Variants in RASGRP3 observed in about 807,000 individuals in gnomAD.
RASGRP3 encodes ras guanyl-releasing protein 3.
A neutral mutation model predicts 82.7 loss-of-function variants in RASGRP3; 54 were observed. That is an observed-to-expected ratio of 0.65 (90% CI 0.52 to 0.82). The LOEUF (loss-of-function observed/expected upper bound fraction) is 0.82, where lower values mean the gene tolerates loss of function less well. Ranked by LOEUF, RASGRP3 falls within the 40% of genes least tolerant of loss-of-function variation. The pLI, the probability that RASGRP3 is intolerant of heterozygous loss-of-function variation, is 0.00. For missense variants in RASGRP3, 861 were observed against 828.9 expected (o/e 1.04, Z -0.48); for synonymous variants, 309 against 300.5 (o/e 1.03, Z -0.29).
At chr2:33,464,478 TAAAA>T (rs869137733) in intron 2 of RASGRP3, among the ~76,000 whole-genome samples, 2 of 134,054 alleles carry the variant, frequency 1.5e-5, no homozygotes, top group African/African-American at 5.6e-5. Flanking sequence ...GATCTTTTTT[TAAAA>T]AAAAAAAAAA....
At chr2:33,539,673 T>C (rs1391706591) in intron 12 of RASGRP3, 1 of 152,818 alleles carries the variant, frequency 6.5e-6, no homozygotes. Flanking sequence ...AATCACCTAA[T>C]GTAGGACAAG....
chr2:33,447,268 A>G (rs1377375984), intron 1 of RASGRP3, among the ~76,000 whole-genome samples: 1 of 152,136 alleles, frequency 6.6e-6, no homozygotes, highest in African/African-American at 2.4e-5. Flanking sequence ...TATGTAGCCC[A>G]AGGAACAGGA....
At chr2:33,496,742 A>G (rs1669353169) in intron 1 of RASGRP3, among the ~76,000 whole-genome samples, 1 of 152,208 alleles carries the variant, frequency 6.6e-6, no homozygotes, top group Admixed American at 6.5e-5. Flanking sequence ...CTGTAGTCCC[A>G]ACTACTCAGA....
At chr2:33,540,639 C>T (rs1408663356) in intron 12 of RASGRP3, among the ~76,000 whole-genome samples, 1 of 139,134 alleles carries the variant, frequency 7.2e-6, no homozygotes, top group African/African-American at 2.5e-5. Flanking sequence ...CTCTCTCTCT[C>T]TGTCTCATTC....
intron 1 of RASGRP3, among the ~76,000 whole-genome samples, chr2:33,488,179 C>G (rs1558434863): frequency 6.6e-6 from 1 of 152,178 alleles, no homozygotes; most frequent in East Asian, 1.9e-4. Context: ...CAGCCACATC[C>G]TACTACAAAA....
In RASGRP3 at chr2:33,523,387, C is replaced by T. The variant is rs554674932; in HGVS notation, c.517-492C>T. The stretch of plus-strand genomic sequence containing the variant: ...GGCTGAGGCAGGAGAATTGCTTGAA[C>T]CTGGGAGGCGGAGATTGCAGTGAGC... On this transcript the variant is annotated intron_variant, in intron 7 of 17. Coordinates refer to ENST00000403687, the MANE Select transcript of RASGRP3 (RefSeq NM_001139488.2). 1.4e-3 allele frequency among the ~76,000 whole-genome samples: 209 copies of T among 151,778 alleles called. 1 individual carries two copies. The highest frequency in any genetic ancestry group is 2.1e-3 in the Admixed American group (32 of 15,256).
chr2:33,538,173 T>G (rs1673839346), intron 11 of RASGRP3, among the ~76,000 whole-genome samples: 1 of 152,220 alleles, frequency 6.6e-6, no homozygotes, highest in South Asian at 2.1e-4. Flanking sequence ...GATTTTTGGA[T>G]GGACTGGGAG....
At chr2:33,442,075 G>C (rs901846160) in intron 1 of RASGRP3, among the ~76,000 whole-genome samples, 3 of 152,090 alleles carry the variant, frequency 2.0e-5, no homozygotes, top group African/African-American at 7.2e-5. Flanking sequence ...TATATAGTGT[G>C]ACCCCATTTG....
chr2:33,522,376 A>G (rs556999435), intron 7 of RASGRP3, among the ~76,000 whole-genome samples: 1 of 152,332 alleles, frequency 6.6e-6, no homozygotes, highest in South Asian at 2.1e-4. Context: ...TGGAGATTTA[A>G]CCATTCAAGG....
chr2:33,495,410 C>T (rs1037709543), intron 1 of RASGRP3, among the ~76,000 whole-genome samples: 3 of 152,152 alleles, frequency 2.0e-5, no homozygotes, highest in East Asian at 1.9e-4. Context: ...GAGAATCTAA[C>T]GCCGCAGCTC....
intron 1 of RASGRP3, among the ~76,000 whole-genome samples, chr2:33,500,048 G>GA: frequency 6.6e-6 from 1 of 152,280 alleles, no homozygotes; most frequent in East Asian, 1.9e-4. Context: ...GAGAATTCTG[G>GA]AAAAGGGAGT....
chr2:33,506,668 T>C (rs144423986), intron 1 of RASGRP3, among the ~76,000 whole-genome samples: 1 of 152,340 alleles, frequency 6.6e-6, no homozygotes, highest in East Asian at 1.9e-4. Flanking sequence ...AAAATCCTAT[T>C]ATCACATTAA....
chr2:33,523,903 A>G lies in RASGRP3; in HGVS notation c.541A>G (p.Ile181Val). 1 of 1,613,420 alleles carries G rather than the reference A, an allele frequency of 6.2e-7. No homozygotes were observed. The highest frequency in any genetic ancestry group is 8.5e-7 in the Non-Finnish European group (1 of 1,179,526). ...ISFTDYQSYV[I>V]HGCLENNPTL... is the part of the protein sequence containing the mutation. ...GTTCACTGATTACCAAAGCTATGTC[A>G]TCCATGGCTGCCTGGAGAATAATCC... Residue 181 changes from isoleucine to valine, a missense_variant, in exon 8 of 18, where the codon ATC becomes GTC. Physicochemically the swap from Ile to Val is conservative, Grantham distance 29. Coordinates refer to ENST00000403687, the MANE Select transcript of RASGRP3 (RefSeq NM_001139488.2).
At chr2:33,455,221 G>A (rs1024619759) in intron 2 of RASGRP3, among the ~76,000 whole-genome samples, 11 of 152,292 alleles carry the variant, frequency 7.2e-5, no homozygotes, top group Admixed American at 1.3e-4. Context: ...TTTCAAAGAA[G>A]ATTTTTCTAT....
chr2:33,515,017 T>A lies in RASGRP3; in HGVS notation c.-120T>A, dbSNP rs1671311855. 1 of 882,354 alleles carries A rather than the reference T, an allele frequency of 1.1e-6. No homozygotes were observed. The highest frequency in any genetic ancestry group is 1.7e-5 in the African/African-American group (1 of 59,262). The allele number at this position is 882,354 out of a possible 1,614,324, so 54.7% of individuals were successfully genotyped here. On this transcript the variant is annotated 5_prime_UTR_variant, in exon 3 of 18. It adds an upstream start codon to the 5' untranslated region. Transcript: ENST00000403687. ...TTTTTTCTTTTTTTTTAGAGTTTTC[T>A]TGAAGTACAACTAAGGACAGGTCAC...
intron 11 of RASGRP3, 141 bp from the exon 12 acceptor site, chr2:33,538,953 G>A (rs570231964): frequency 1.5e-5 from 9 of 602,322 alleles, no homozygotes; most frequent in South Asian, 4.3e-5. Flanking sequence ...GTGGAAGGAT[G>A]GCTTGAGCCC....
intron 11 of RASGRP3, among the ~76,000 whole-genome samples, chr2:33,535,606 T>C (rs1574449402): frequency 6.6e-6 from 1 of 152,382 alleles, no homozygotes; most frequent in East Asian, 1.9e-4. Flanking sequence ...TCAGCTGACC[T>C]GGTAGCATCT....
chr2:33,467,193 G>A (rs1293233440), intron 2 of RASGRP3, among the ~76,000 whole-genome samples: 1 of 151,912 alleles, frequency 6.6e-6, no homozygotes, highest in Non-Finnish European at 1.5e-5. Flanking sequence ...ATTCCTAAAG[G>A]CAATGCACAT....
chr2:33,481,284 C>T (rs1248039515), intron 1 of RASGRP3: 2 of 152,252 alleles, frequency 1.3e-5, no homozygotes, highest in Non-Finnish European at 2.9e-5. Flanking sequence ...GCCTCAGCCT[C>T]CCGAGTAGCT....
Sources: allele counts gnomAD v4.1 joint callset (sites outside exome capture counted in the v4.1 genomes callset), GRCh38; gene constraint gnomAD v4.1.1; transcripts MANE v1.5; gene names NCBI Gene and HGNC (gene_info 2026-07-23, HGNC 2026-07-21).